Variants in SSH1 observed in about 807,000 individuals in gnomAD.
SSH1 encodes the protein protein phosphatase Slingshot homolog 1.
In SSH1, 43 loss-of-function variants were observed where a neutral mutation model predicts 79.7. The ratio of observed to expected loss-of-function variants is 0.54; its 90% confidence interval spans 0.42 to 0.70. The LOEUF is 0.70. Ranked by LOEUF, SSH1 falls within the 30% of genes least tolerant of loss-of-function variation. SSH1 has a pLI of 0.00. For synonymous variants in SSH1, 599 were observed against 538.3 expected (o/e 1.11, Z -1.56); for missense variants, 1,206 against 1,358.8 (o/e 0.89, Z 1.77).
chr12:108,840,415 C>T (rs1421877176), intron 2 of SSH1, among the ~76,000 whole-genome samples: 19 of 152,100 alleles, frequency 1.2e-4, no homozygotes, highest in Admixed American at 1.2e-3. Context: ...AGCCTATAGT[C>T]CTAGCTACCC....
chr12:108,788,007 G>T lies in SSH1; in HGVS notation c.3131C>A (p.Ser1044Ter). ...GGCGGGTCAGCTTTTGCTCATCCAC[G>T]AAGGGCTCTTTAAGTTTTCTGGGGC... The part of the protein sequence containing the change: ...KPAPENLKSP[S>*]WMSKS Residue 1044 changes from serine to a stop codon, truncating the protein, a stop_gained, in exon 15 of 15, where the codon TCG (serine) becomes TAG (stop). Transcript: ENST00000326495. LOFTEE classifies it high-confidence loss of function. The T allele has an allele frequency of 6.2e-7, 1 of 1,614,132 alleles. No individual in the cohort carries two copies. The highest frequency in any genetic ancestry group is 8.5e-7 in the Non-Finnish European group (1 of 1,180,018).
chr12:108,779,271 A>G lies in SSH1; in HGVS notation c.*8717T>C, dbSNP rs1259920972. ...GATGCACAATTTCCATTTAAAGGCAAAATATGGTGAATATGATCTACGGGA... is the reference window on the plus strand; with the variant it reads ...GATGCACAATTTCCATTTAAAGGCAGAATATGGTGAATATGATCTACGGGA... On this transcript the variant is annotated 3_prime_UTR_variant, in exon 15 of 15. Transcript: ENST00000326495. 1 of 152,214 alleles carries G rather than the reference A, an allele frequency of 6.6e-6. No homozygotes were observed. Among genetic ancestry groups the G allele is most frequent in the Non-Finnish European group, 1.5e-5 (1 of 68,038 alleles). 9.4% of individuals were successfully genotyped at this position (152,214 alleles called of 1,614,324 possible).
chr12:108,788,304 C>A lies in SSH1; in HGVS notation c.2834G>T (p.Arg945Leu). 1.2e-6 allele frequency: 2 copies of A among 1,613,476 alleles called. No homozygotes were observed. The highest frequency in any genetic ancestry group is 2.2e-5 in the South Asian group (2 of 91,064). The change falls in exon 15 of 15, where the codon CGT (arginine) becomes CTT (leucine). Residue 945 changes from arginine (R) to leucine (L), a missense_variant. Coordinates refer to ENST00000326495, the MANE Select transcript of SSH1 (RefSeq NM_018984.4). ...SSSSDSIHSV[R>L]GKPGLVKQRT... Reference sequence around the variant, plus strand: ...CTGCTTCACCAGCCCGGGCTTCCCACGGACACTGTGGATGCTATCGCTGCT... The same window carrying A: ...CTGCTTCACCAGCCCGGGCTTCCCAAGGACACTGTGGATGCTATCGCTGCT...
rs2039015406 is a variant in SSH1 at position 108,850,626 on chromosome 12, G to A, written c.110+2012C>T. Among the ~76,000 whole-genome samples the A allele has an allele frequency of 3.8e-5, 3 of 79,530 alleles. No individual in the cohort carries two copies. In the South Asian group the frequency reaches 1.6e-3, roughly 43 times the overall value. 52.2% of individuals were successfully genotyped at this position (79,530 alleles called of 152,430 possible). Reference sequence around the variant, plus strand: ...CTGGGGGAAGGGGAGCTCAGAGAGGGGACTTCAGGGAGGGGAGATGGGAGA... The same window carrying A: ...CTGGGGGAAGGGGAGCTCAGAGAGGAGACTTCAGGGAGGGGAGATGGGAGA... On this transcript the variant is annotated intron_variant, in intron 2 of 14. Transcript: ENST00000326495.
intron 13 of SSH1, 78 bp downstream of exon 13, chr12:108,798,922 C>G: frequency 1.3e-6 from 2 of 1,541,036 alleles, no homozygotes; most frequent in Non-Finnish European, 1.8e-6. Flanking sequence ...GCTCTGCTGC[C>G]GACAGAGGCC....
In SSH1 at chr12:108,800,880, G is replaced by A. The variant is rs756713403; in HGVS notation, c.1048C>T (p.Pro350Ser). ...NVTREIDNFF[P>S]GLFAYHNIRV... ...ATGTTATGATATGCAAATAAGCCAG[G>A]AAAAAAATTATCGATTTCTCTGGTA... is the stretch of plus-strand genomic sequence containing the variant. The change falls in exon 12 of 15, where the codon CCT becomes TCT. Residue 350 changes from proline to serine, a missense_variant. Pro to Ser is a moderately conservative substitution (Grantham distance 74). Coordinates refer to ENST00000326495, the MANE Select transcript of SSH1 (RefSeq NM_018984.4). 6.2e-7 allele frequency: 1 copy of A among 1,613,670 alleles called. No individual in the cohort carries two copies. The highest frequency in any genetic ancestry group is 8.5e-7 in the Non-Finnish European group (1 of 1,179,838).
intron 2 of SSH1, among the ~76,000 whole-genome samples, chr12:108,841,930 G>A (rs981645216): frequency 6.6e-6 from 1 of 152,046 alleles, no homozygotes; most frequent in African/African-American, 2.4e-5. Flanking sequence ...GATCACTTGA[G>A]TCCAGGAGTT....
intron 3 of SSH1, among the ~76,000 whole-genome samples, chr12:108,819,458 T>C (rs567064296): frequency 1.3e-5 from 2 of 152,260 alleles, no homozygotes; most frequent in African/African-American, 4.8e-5. Flanking sequence ...GACTCCAAGG[T>C]TGCTTTTTTT....
chr12:108,789,874 A>T (rs932186746), intron 14 of SSH1, among the ~76,000 whole-genome samples: 1 of 152,146 alleles, frequency 6.6e-6, no homozygotes, highest in African/African-American at 2.4e-5. Flanking sequence ...TTTCAAACAG[A>T]TAAGAGACAA....
At chr12:108,812,864 CTTTT>C (rs11320530) in intron 5 of SSH1, among the ~76,000 whole-genome samples, 8 of 137,872 alleles carry the variant, frequency 5.8e-5, no homozygotes, top group Non-Finnish European at 6.2e-5. Context: ...TTTTTCTTTT[CTTTT>C]TTTTTTTTTT....
At chr12:108,840,524 C>T (rs1355204444) in intron 2 of SSH1, among the ~76,000 whole-genome samples, 1 of 151,056 alleles carries the variant, frequency 6.6e-6, no homozygotes, top group African/African-American at 2.4e-5. Context: ...CGGAGCAAGA[C>T]TGTCTCAAAA....
chr12:108,840,675 G>A (rs1252867537), intron 2 of SSH1, among the ~76,000 whole-genome samples: 1 of 152,154 alleles, frequency 6.6e-6, no homozygotes, highest in Non-Finnish European at 1.5e-5. Context: ...TTTCTAATAA[G>A]CTGTCTAAAT....
rs748133645 is a variant in SSH1, at chr12:108,802,379, G to C, written c.955-11C>G. The C allele has an allele frequency of 1.9e-6, 3 of 1,613,754 alleles. No homozygotes were observed. Among genetic ancestry groups the C allele is most frequent in the African/African-American group, 2.7e-5 (2 of 74,938 alleles). ...ATTCCATTCAGAGCCCTGGGAGACAGATCACACAAGCTCCTGTGAGTGTCA... is the reference window on the plus strand; with the variant it reads ...ATTCCATTCAGAGCCCTGGGAGACACATCACACAAGCTCCTGTGAGTGTCA... On this transcript the variant is annotated splice_polypyrimidine_tract_variant and intron_variant, in intron 10 of 14. Coordinates refer to ENST00000326495, the MANE Select transcript of SSH1 (RefSeq NM_018984.4).
At chr12:108,853,070 C>T in intron 1 of SSH1, 1 of 985,374 alleles carries the variant, frequency 1.0e-6, no homozygotes, top group Non-Finnish European at 1.2e-6. Context: ...TCCACTTCCT[C>T]CGCAGAGCCA....
At chr12:108,799,385 T>C (rs994368984) in intron 12 of SSH1, among the ~76,000 whole-genome samples, 185 bp from the exon 13 acceptor site, 2 of 152,210 alleles carry the variant, frequency 1.3e-5, no homozygotes, top group Non-Finnish European at 2.9e-5. Flanking sequence ...ACGCACTCTC[T>C]AAAGGAAATA....
Position 108,811,242 on chromosome 12 carries a change from T to C in SSH1, c.470+18A>G, listed in dbSNP as rs1182129383. 1 of 1,613,624 alleles carries C rather than the reference T, an allele frequency of 6.2e-7. No individual in the cohort carries two copies. Among genetic ancestry groups the C allele is most frequent in the South Asian group, 1.1e-5 (1 of 91,074 alleles). The stretch of plus-strand genomic sequence containing the variant: ...CTACTACATACAGTGAGAGAATCTT[T>C]TAAAGAGACCTCCTTACCCATCTCC... On this transcript the variant is annotated intron_variant, in intron 6 of 14. Transcript: ENST00000326495.
At position 108,788,087 on chromosome 12, in the gene SSH1, C is replaced by T. The variant is rs2036339183; in HGVS notation, c.3051G>A (p.Glu1017=). 6.2e-7 allele frequency: 1 copy of T among 1,614,018 alleles called. No homozygotes were observed. Among genetic ancestry groups the T allele is most frequent in the African/African-American group, 1.3e-5 (1 of 74,992 alleles). The change falls in exon 15 of 15, where the codon GAG becomes GAA. Residue 1017 remains glutamate (E), a synonymous_variant. Coordinates refer to ENST00000326495, the MANE Select transcript of SSH1 (RefSeq NM_018984.4). ...CTGGGTCCCTCGGGGTTCCCTGGGG[C>T]TCATGCAAGAAGGAAGATTCACTCA... ...TTLSESSFLH[E]PQGTPRDPAA...
intron 13 of SSH1, among the ~76,000 whole-genome samples, chr12:108,798,446 C>T (rs1277049136): frequency 6.6e-6 from 1 of 152,236 alleles, no homozygotes; most frequent in Non-Finnish European, 1.5e-5. Context: ...TCAAGCAATA[C>T]TCCCATCTCA....
At chr12:108,797,983 C>CT (rs1180739602) in intron 13 of SSH1, among the ~76,000 whole-genome samples, 1 of 152,256 alleles carries the variant, frequency 6.6e-6, no homozygotes, top group Non-Finnish European at 1.5e-5. Context: ...GATGGCAGAG[C>CT]TAAAGGAGTA....
Sources: allele counts gnomAD v4.1 joint callset (sites outside exome capture counted in the v4.1 genomes callset), GRCh38; gene constraint gnomAD v4.1.1; transcripts MANE v1.5; gene names NCBI Gene and HGNC (gene_info 2026-07-23, HGNC 2026-07-21).